The following SLC25A21 variants were observed in gnomAD, a reference collection of about 807,000 sequenced individuals.
SLC25A21 encodes the protein solute carrier family 25 member 21.
SLC25A21 carries 47 observed loss-of-function variants against 43.8 expected under a neutral mutation model. The observed-to-expected ratio is 1.07, with a 90% CI of 0.85 to 1.37. The LOEUF (loss-of-function observed/expected upper bound fraction) is 1.37, where lower values mean the gene tolerates loss of function less well. Ranked by LOEUF, SLC25A21 falls within the 40% of genes most tolerant of loss-of-function variation. The probability of loss-of-function intolerance (pLI) is 0.00; values close to 1 mark genes in which losing one functional copy is unlikely to be tolerated. For synonymous variants in SLC25A21, 131 were observed against 121.3 expected, an observed-to-expected ratio of 1.08 and a Z score of -0.52; for missense variants, 352 against 350.2, an observed-to-expected ratio of 1.00 and a Z score of -0.04.
At chr14:36,767,038 T>C (rs1886442850) in intron 3 of SLC25A21, among the ~76,000 whole-genome samples, 2 of 152,248 alleles carry the variant, frequency 1.3e-5, no homozygotes. Context: ...CAAACAATTA[T>C]GACATAATAT....
intron 1 of SLC25A21, among the ~76,000 whole-genome samples, chr14:37,032,315 C>T (rs1289101174): frequency 6.6e-6 from 1 of 151,974 alleles, no homozygotes; most frequent in East Asian, 1.9e-4. Flanking sequence ...GCTGGTGGAT[C>T]ACGAGGTCAC....
intron 1 of SLC25A21, among the ~76,000 whole-genome samples, chr14:36,972,974 A>T (rs542880243): frequency 1.3e-5 from 2 of 152,204 alleles, no homozygotes; most frequent in Admixed American, 6.5e-5. Flanking sequence ...CTGGGACTAC[A>T]GGAACACATC....
At chr14:37,050,590 T>C (rs1289221720) in intron 1 of SLC25A21, among the ~76,000 whole-genome samples, 2 of 152,192 alleles carry the variant, frequency 1.3e-5, no homozygotes, top group Non-Finnish European at 2.9e-5. Flanking sequence ...CGTATTCTAG[T>C]GAATGTCATG....
chr14:37,074,560 G>A (rs1962240722), intron 1 of SLC25A21, among the ~76,000 whole-genome samples: 1 of 152,194 alleles, frequency 6.6e-6, no homozygotes, highest in African/African-American at 2.4e-5. Flanking sequence ...AGCCAGGCAT[G>A]GTGGCTCACA....
intron 7 of SLC25A21, among the ~76,000 whole-genome samples, chr14:36,699,047 T>A (rs570727779): frequency 1.3e-3 from 196 of 152,258 alleles, no homozygotes; most frequent in African/African-American, 2.8e-3. Flanking sequence ...TTTCTCCCCA[T>A]CTTTGTGGTT....
intron 1 of SLC25A21, among the ~76,000 whole-genome samples, chr14:37,091,866 G>C (rs1423774975): frequency 6.6e-6 from 1 of 152,112 alleles, no homozygotes; most frequent in Non-Finnish European, 1.5e-5. Flanking sequence ...AGTGACTCAC[G>C]CCTGTAATCC....
At position 36,678,488 on chromosome 14, in the gene SLC25A21, G is replaced by T. The variant is rs1458140498; in HGVS notation, c.*2170C>A. The T allele has an allele frequency of 2.0e-6, 3 of 1,536,730 alleles. No homozygotes were observed. In the African/African-American group the frequency reaches 4.1e-5, roughly 21 times the overall value. On this transcript the variant is annotated 3_prime_UTR_variant, in exon 10 of 10. Transcript: ENST00000331299. ...ATTGACATCTGGAGTTCCCAGTCTG[G>T]TGAGAAAATAGACTATAAACTGAAT...
intron 1 of SLC25A21, among the ~76,000 whole-genome samples, chr14:37,043,056 C>A (rs865899458): frequency 5.3e-5 from 8 of 152,182 alleles, no homozygotes; most frequent in South Asian, 4.1e-4. Flanking sequence ...TGGCCCAAGT[C>A]AGGACCCCAC....
chr14:37,123,332 A>G (rs542140393), intron 1 of SLC25A21, among the ~76,000 whole-genome samples: 1 of 152,332 alleles, frequency 6.6e-6, no homozygotes, highest in Admixed American at 6.5e-5. Context: ...AATGAAAACA[A>G]GCACCTATAA....
At chr14:36,863,137 T>C (rs1364951107) in intron 2 of SLC25A21, among the ~76,000 whole-genome samples, 1 of 152,132 alleles carries the variant, frequency 6.6e-6, no homozygotes, top group African/African-American at 2.4e-5. Context: ...TATTTACCTC[T>C]CAGCTTAAAA....
intron 2 of SLC25A21, among the ~76,000 whole-genome samples, chr14:36,822,952 T>A (rs1348342275): frequency 6.6e-6 from 1 of 152,216 alleles, no homozygotes; most frequent in Non-Finnish European, 1.5e-5. Flanking sequence ...ATATCCTTCA[T>A]GAATATGGTG....
chr14:37,137,106 C>T (rs942742230), intron 1 of SLC25A21, among the ~76,000 whole-genome samples: 3 of 152,106 alleles, frequency 2.0e-5, no homozygotes, highest in African/African-American at 4.8e-5. Flanking sequence ...GTTCACGCCA[C>T]TCTGCCTCAG....
chr14:36,810,070 A>C (rs1888182195), intron 3 of SLC25A21, among the ~76,000 whole-genome samples: 1 of 152,198 alleles, frequency 6.6e-6, no homozygotes, highest in South Asian at 2.1e-4. Flanking sequence ...CTGTATAAAA[A>C]ATAACAGGGA....
chr14:37,000,956 A>G (rs1206504760), intron 1 of SLC25A21, among the ~76,000 whole-genome samples: 1 of 152,180 alleles, frequency 6.6e-6, no homozygotes, highest in East Asian at 1.9e-4. Flanking sequence ...TAAATTAGCC[A>G]GTCTCAGGTA....
intron 2 of SLC25A21, among the ~76,000 whole-genome samples, chr14:36,868,949 G>T (rs957262917): frequency 6.6e-6 from 1 of 152,156 alleles, no homozygotes; most frequent in African/African-American, 2.4e-5. Flanking sequence ...TCTCCCACTG[G>T]AGAGACCTAC....
At chr14:36,753,066 G>A (rs1458471120) in intron 3 of SLC25A21, among the ~76,000 whole-genome samples, 3 of 152,138 alleles carry the variant, frequency 2.0e-5, no homozygotes, top group Non-Finnish European at 4.4e-5. Context: ...TAGAATGGTG[G>A]TTGCCAGTGG....
At chr14:37,078,273 C>A (rs1395006147) in intron 1 of SLC25A21, among the ~76,000 whole-genome samples, 3 of 152,124 alleles carry the variant, frequency 2.0e-5, no homozygotes, top group African/African-American at 7.2e-5. Flanking sequence ...GGTTTCACTG[C>A]TGGGTTAGCT....
At chr14:36,886,610 C>T (rs923457112) in intron 1 of SLC25A21, among the ~76,000 whole-genome samples, 9 of 151,980 alleles carry the variant, frequency 5.9e-5, no homozygotes, top group Non-Finnish European at 8.8e-5. Context: ...CTAGAAATCA[C>T]GGTAAATGGA....
chr14:36,701,645 T>C (rs1320127372), intron 7 of SLC25A21, among the ~76,000 whole-genome samples: 1 of 152,226 alleles, frequency 6.6e-6, no homozygotes, highest in Non-Finnish European at 1.5e-5. Flanking sequence ...CTCTTGATTA[T>C]ATCATCTCCT....
Sources: gnomAD v4.1 joint callset for allele counts (sites outside exome capture counted in the v4.1 genomes callset) on GRCh38, gnomAD v4.1.1 for gene constraint, MANE v1.5 for transcripts, NCBI Gene and HGNC (gene_info 2026-07-23, HGNC 2026-07-21) for gene names.